CCDC7: variants seen among roughly 807,000 people sequenced by gnomAD.
CCDC7 encodes coiled-coil domain-containing protein 7.
In CCDC7, 183 loss-of-function variants were observed where a neutral mutation model predicts 196.9. The ratio of observed to expected loss-of-function variants is 0.93; its 90% CI spans 0.82 to 1.05. CCDC7 has a LOEUF of 1.05. CCDC7 is among the 50% of genes least tolerant of loss of function. The pLI is 0.00. For missense variants in CCDC7, 1,540 were observed against 1,482.2 expected, an observed-to-expected ratio of 1.04 and a Z score of -0.64; for synonymous variants, 525 against 484.6, an observed-to-expected ratio of 1.08 and a Z score of -1.10.
chr10:32,499,342 G>T (rs570166347), intron 9 of CCDC7: 4 of 152,146 alleles, frequency 2.6e-5, no homozygotes, highest in South Asian at 4.1e-4. Context: ...AATTCTAGGA[G>T]ACATCTGATT....
intron 20 of CCDC7, among the ~76,000 whole-genome samples, chr10:32,635,867 T>G (rs186659118): frequency 6.6e-6 from 1 of 152,270 alleles, no homozygotes; most frequent in Non-Finnish European, 1.5e-5. Flanking sequence ...CTAAACACAT[T>G]TAGTCTTATT....
intron 41 of CCDC7, among the ~76,000 whole-genome samples, chr10:32,871,318 T>C (rs2094422060): frequency 6.6e-6 from 1 of 152,138 alleles, no homozygotes; most frequent in Admixed American, 6.6e-5. Flanking sequence ...TTCTTCCTGG[T>C]TTAGTCTTGG....
At chr10:32,497,175 G>C (rs887009731) in intron 9 of CCDC7, among the ~76,000 whole-genome samples, 4 of 152,170 alleles carry the variant, frequency 2.6e-5, no homozygotes, top group Non-Finnish European at 2.9e-5. Flanking sequence ...TAGTTTATTT[G>C]TGTAGAGGTG....
At chr10:32,752,421 A>G (rs901323662) in intron 28 of CCDC7, among the ~76,000 whole-genome samples, 3 of 152,142 alleles carry the variant, frequency 2.0e-5, no homozygotes, top group African/African-American at 7.2e-5. Context: ...GGCGAATTCC[A>G]TTAGCTCCTG....
chr10:32,677,320 C>T (rs989104020), intron 21 of CCDC7, among the ~76,000 whole-genome samples: 7 of 151,158 alleles, frequency 4.6e-5, no homozygotes, highest in Admixed American at 4.0e-4. Flanking sequence ...ACATATGTAA[C>T]TAACCTGCAC....
At chr10:32,797,222 CATATATATGTGTATATATATGCGTAT>C in intron 29 of CCDC7, among the ~76,000 whole-genome samples, 1 of 148,352 alleles carries the variant, frequency 6.7e-6, no homozygotes, top group Non-Finnish European at 1.5e-5. Flanking sequence ...TACACACACA[CATATATATGTGTATATATATGCGTAT>C]ATATATGTGT....
chr10:32,736,215 A>T (rs960717287), intron 28 of CCDC7, among the ~76,000 whole-genome samples: 32 of 152,098 alleles, frequency 2.1e-4, no homozygotes, highest in Admixed American at 1.6e-3. Flanking sequence ...GCTTGTGGGA[A>T]TTTTGATTGC....
downstream of CCDC7, chr10:32,876,443 G>T (rs760488363): frequency 4.4e-5 from 68 of 1,532,452 alleles, no homozygotes; most frequent in Non-Finnish European, 6.1e-5. Context: ...ATTCAGAAAT[G>T]CAGGAAAGGA....
intron 29 of CCDC7, among the ~76,000 whole-genome samples, chr10:32,782,902 G>A (rs1452157515): frequency 6.6e-6 from 1 of 152,166 alleles, no homozygotes; most frequent in African/African-American, 2.4e-5. Context: ...CTGGTAAGAA[G>A]GCAGTCTTTC....
intron 30 of CCDC7, among the ~76,000 whole-genome samples, chr10:32,809,157 A>C (rs1301528472): frequency 6.6e-6 from 1 of 152,202 alleles, no homozygotes; most frequent in Non-Finnish European, 1.5e-5. Flanking sequence ...ACATAAGTAC[A>C]CAAGAAACAT....
intron 25 of CCDC7, among the ~76,000 whole-genome samples, chr10:32,712,325 C>T (rs920968945): frequency 2.0e-5 from 3 of 152,140 alleles, no homozygotes; most frequent in Non-Finnish European, 4.4e-5. Flanking sequence ...CCAAAAGCAT[C>T]GACAATCATC....
chr10:32,505,615 T>G (rs1183235270), intron 9 of CCDC7, among the ~76,000 whole-genome samples: 2 of 145,554 alleles, frequency 1.4e-5, no homozygotes, highest in African/African-American at 4.9e-5. Flanking sequence ...TGATCTCTCT[T>G]TCTTTTCCCC....
intron 24 of CCDC7, among the ~76,000 whole-genome samples, chr10:32,695,873 A>G (rs1591683960): frequency 1.3e-5 from 2 of 152,334 alleles, no homozygotes; most frequent in African/African-American, 4.8e-5. Context: ...ATCAGGTAAC[A>G]GCAGTGCCAA....
intron 18 of CCDC7, among the ~76,000 whole-genome samples, chr10:32,612,215 CTGTT>C (rs1163718611): frequency 6.6e-6 from 1 of 152,094 alleles, no homozygotes; most frequent in Non-Finnish European, 1.5e-5. Context: ...ATTTGGCTCT[CTGTT>C]TGTCTATTCT....
intron 33 of CCDC7, among the ~76,000 whole-genome samples, chr10:32,838,494 G>A (rs1160271327): frequency 6.6e-6 from 1 of 151,912 alleles, no homozygotes; most frequent in Non-Finnish European, 1.5e-5. Flanking sequence ...TATGTTAAAT[G>A]TTCAAACCTG....
At chr10:32,511,923 A>G in intron 9 of CCDC7, 1 of 589,440 alleles carries the variant, frequency 1.7e-6, no homozygotes, top group South Asian at 2.2e-5. Context: ...GATAAAATAT[A>G]GAAACTAGGA....
intron 11 of CCDC7, among the ~76,000 whole-genome samples, chr10:32,541,607 T>A (rs1309330702): frequency 1.3e-5 from 2 of 152,208 alleles, no homozygotes; most frequent in Non-Finnish European, 2.9e-5. Context: ...CTGGCAAGAA[T>A]ACATGGATAA....
intron 28 of CCDC7, among the ~76,000 whole-genome samples, chr10:32,739,484 T>C (rs2085443955): frequency 6.6e-6 from 1 of 152,102 alleles, no homozygotes; most frequent in Non-Finnish European, 1.5e-5. Flanking sequence ...TTTCTTAGTT[T>C]TTCTAGCTTC....
intron 18 of CCDC7, among the ~76,000 whole-genome samples, chr10:32,604,969 C>G (rs1187308287): frequency 1.3e-5 from 2 of 152,036 alleles, no homozygotes; most frequent in African/African-American, 4.8e-5. Context: ...TTGTCCCACC[C>G]AAATGTCATG....
Sources: gnomAD v4.1 joint callset for allele counts (sites outside exome capture counted in the v4.1 genomes callset) on GRCh38, gnomAD v4.1.1 for gene constraint, MANE v1.5 for transcripts, NCBI Gene and HGNC (gene_info 2026-07-23, HGNC 2026-07-21) for gene names.